Variants in TBXA2R observed in about 807,000 individuals in gnomAD.
The protein encoded by TBXA2R is prostanoid TP receptor.
TBXA2R carries 15 observed loss-of-function variants against 15.6 expected under a neutral mutation model. The ratio of observed to expected loss-of-function variants is 0.96; its 90% CI spans 0.64 to 1.48. TBXA2R has a LOEUF of 1.48. TBXA2R is among the 40% of genes most tolerant of loss of function. The pLI is 0.00. For synonymous variants in TBXA2R, 280 were observed against 241.2 expected (o/e 1.16, Z -1.49); for missense variants, 506 against 491.4 (o/e 1.03, Z -0.28).
chr19:3,603,398 G>GT (rs957126983), intron 1 of TBXA2R, among the ~76,000 whole-genome samples: 3 of 152,262 alleles, frequency 2.0e-5, no homozygotes, highest in African/African-American at 7.2e-5. Flanking sequence ...AGCAGATGCG[G>GT]TGGGGGGTTC....
At chr19:3,602,475 G>A (rs2032756040) in intron 1 of TBXA2R, among the ~76,000 whole-genome samples, 1 of 152,238 alleles carries the variant, frequency 6.6e-6, no homozygotes, top group East Asian at 1.9e-4. Context: ...GGTGGCTCAC[G>A]CCTGTAATCC....
In TBXA2R at chr19:3,604,989, CCT is replaced by C. The variant is rs2032803232; in HGVS notation, c.-84+1539_-84+1540del. Among the ~76,000 whole-genome samples the C allele has an allele frequency of 2.0e-5, 3 of 152,220 alleles. No individual in the cohort carries two copies. The South Asian group carries it at 6.2e-4, about 32-fold the overall frequency. On this transcript the variant is annotated intron_variant, in intron 1 of 2. Coordinates refer to ENST00000375190, the MANE Select transcript of TBXA2R (RefSeq NM_001060.6). Reference sequence around the variant, plus strand: ...TAGCGGAGGCAGACACACTCCACACCCTGATGGGCCCACCTCCCCTCATCGCA... The same window carrying C: ...TAGCGGAGGCAGACACACTCCACACCGATGGGCCCACCTCCCCTCATCGCA...
chr19:3,606,835 G>T lies in TBXA2R; in HGVS notation c.-389C>A, dbSNP rs1417701612. On this transcript the variant is annotated 5_prime_UTR_variant, in exon 1 of 3. Transcript: ENST00000375190. ...CTAAGCCGAGCTGGGACGGGTGGGG[G>T]CCGCTGGCAGCCCGCGGCTCGCTCT... The T allele has an allele frequency of 6.6e-6, 1 of 152,198 alleles. No homozygotes were observed. Among genetic ancestry groups the T allele is most frequent in the Non-Finnish European group, 1.5e-5 (1 of 68,076 alleles). 9.4% of individuals were successfully genotyped at this position (152,198 alleles called of 1,614,324 possible).
chr19:3,604,949 T>C (rs2032802536), intron 1 of TBXA2R, among the ~76,000 whole-genome samples: 1 of 152,074 alleles, frequency 6.6e-6, no homozygotes, highest in Non-Finnish European at 1.5e-5. Context: ...CTCATGGGCG[T>C]GGACCCCCAC....
At position 3,595,147 on chromosome 19, in the gene TBXA2R, G is replaced by A; in HGVS notation, c.*541C>T. 4.7e-6 allele frequency: 3 copies of A among 638,208 alleles called. No individual in the cohort carries two copies. The highest frequency in any genetic ancestry group is 7.8e-6 in the Non-Finnish European group (3 of 384,572). 39.5% of individuals were successfully genotyped at this position (638,208 alleles called of 1,614,324 possible). ...TGATCCCAGCACTTTGGGAGGCTGA[G>A]GCTGGTGAATCACCTGAGGTCAGGA... is the stretch of plus-strand genomic sequence containing the variant. On this transcript the variant is annotated 3_prime_UTR_variant, in exon 3 of 3. Transcript: ENST00000375190.
intron 1 of TBXA2R, among the ~76,000 whole-genome samples, chr19:3,602,828 A>C (rs1008966281): frequency 1.3e-5 from 2 of 151,588 alleles, no homozygotes; most frequent in Non-Finnish European, 2.9e-5. Context: ...CGAGGTCAGG[A>C]GATCGAGACC....
intron 1 of TBXA2R, among the ~76,000 whole-genome samples, chr19:3,602,783 G>C (rs949422323): frequency 4.7e-5 from 7 of 149,232 alleles, no homozygotes; most frequent in Non-Finnish European, 8.9e-5. Flanking sequence ...AAAAGAAAAA[G>C]AAAAGAAAAG....
chr19:3,596,638 C>T (rs1193498191), intron 2 of TBXA2R, among the ~76,000 whole-genome samples: 2 of 116,454 alleles, frequency 1.7e-5, no homozygotes, highest in East Asian at 2.0e-4. Context: ...TAAATAAATA[C>T]CTTTTTTTTT....
rs756896241 is a variant in TBXA2R, at chr19:3,600,287, G to A, written c.348C>T (p.Gly116=). The A allele has an allele frequency of 2.3e-5, 37 of 1,612,622 alleles. No individual in the cohort carries two copies. The highest frequency in any genetic ancestry group is 2.1e-5 in the Non-Finnish European group (25 of 1,179,740). Residue 116 remains glycine (G), a synonymous_variant, in exon 2 of 3, where the codon GGC becomes GGT. Transcript: ENST00000375190. ...RFMGVVMIFF[G]LSPLLLGAAM... The stretch of plus-strand genomic sequence containing the variant: ...CGGCCCCCAGCAGCAGCGGGGACAG[G>A]CCGAAGAAGATCATGACGACGCCCA...
intron 2 of TBXA2R, among the ~76,000 whole-genome samples, chr19:3,596,791 C>G (rs1234828020): frequency 6.6e-6 from 1 of 150,512 alleles, no homozygotes; most frequent in African/African-American, 2.4e-5. Context: ...CTGTGTCAGC[C>G]AGGATGGTCT....
At chr19:3,599,430 T>C (rs10415389) in intron 2 of TBXA2R, among the ~76,000 whole-genome samples, 78,321 of 151,510 alleles carry the variant, frequency 0.52, 20,888 homozygotes, top group Non-Finnish European at 0.55. Flanking sequence ...CCTGGGTTCA[T>C]GCCATTCTCC....
rs370418735 is a variant in TBXA2R, at chr19:3,595,744, G to A, written c.976C>T (p.Arg326Trp). The change falls in exon 3 of 3, where the codon CGG (arginine) becomes TGG (tryptophan). Residue 326 changes from arginine to tryptophan, a missense_variant. Physicochemically the swap from Arg to Trp is moderately radical, Grantham distance 101 (BLOSUM62 -3). Transcript: ENST00000375190. ...GGCTGGAGGGACAGCGACCTGGGCC[G>A]GGTGCTGAGGCGAGGCTGGAGACGC... ...LRRLQPRLST[R>W]PRSLSLQPQL... 5 of 1,604,564 alleles carry A rather than the reference G, an allele frequency of 3.1e-6. No homozygotes were observed. The African/African-American group carries it at 4.0e-5, about 13-fold the overall frequency.
intron 1 of TBXA2R, 85 bp from the exon 2 acceptor site, chr19:3,600,802 G>C: frequency 1.6e-6 from 1 of 626,458 alleles, no homozygotes; most frequent in South Asian, 1.9e-5. Flanking sequence ...AACCTTCAAT[G>C]CCCCAGCTCA....
chr19:3,595,251 C>T lies in TBXA2R; in HGVS notation c.*437G>A, dbSNP rs1206421734. 3.3e-5 allele frequency: 27 copies of T among 828,636 alleles called. 1 individual carries two copies. Among genetic ancestry groups the T allele is most frequent in the African/African-American group, 1.4e-4 (8 of 57,528 alleles). 51.3% of individuals were successfully genotyped at this position (828,636 alleles called of 1,614,324 possible). On this transcript the variant is annotated 3_prime_UTR_variant, in exon 3 of 3. Transcript: ENST00000375190. ...AAAATTAGCCGGGCGTGGTGGCGCG[C>T]GCCTATAGTCCCAGCTACTCAGGAG...
intron 2 of TBXA2R, 73 bp from the exon 3 acceptor site, chr19:3,596,006 C>T (rs2032597684): frequency 6.5e-7 from 1 of 1,532,638 alleles, no homozygotes; most frequent in Non-Finnish European, 8.8e-7. Context: ...CCCGGGGTCC[C>T]TTGAGATCCA....
At position 3,595,615 on chromosome 19, in the gene TBXA2R, G is replaced by A; in HGVS notation, c.*73C>T. 6.7e-6 allele frequency: 10 copies of A among 1,493,142 alleles called. No homozygotes were observed. Among genetic ancestry groups the A allele is most frequent in the Non-Finnish European group, 9.0e-6 (10 of 1,116,330 alleles). 92.5% of individuals were successfully genotyped at this position (1,493,142 alleles called of 1,614,324 possible). A position where few individuals can be genotyped will look rare whatever the true frequency, so the allele number is the denominator to read the frequency against. ...AGCACCCCCAGCCCCTGAATCCTCAGAACAGGCAGATGGGCTGTCCGAGGG... is the reference window on the plus strand; with the variant it reads ...AGCACCCCCAGCCCCTGAATCCTCAAAACAGGCAGATGGGCTGTCCGAGGG... On this transcript the variant is annotated 3_prime_UTR_variant, in exon 3 of 3. Transcript: ENST00000375190.
intron 1 of TBXA2R, among the ~76,000 whole-genome samples, chr19:3,603,068 C>T (rs1008548853): frequency 4.6e-5 from 7 of 150,732 alleles, no homozygotes; most frequent in South Asian, 2.1e-4. Flanking sequence ...TTGCTGATGA[C>T]GGGAGTGAAG....
chr19:3,598,691 C>T (rs903273628), intron 2 of TBXA2R, among the ~76,000 whole-genome samples: 9 of 151,158 alleles, frequency 6.0e-5, no homozygotes, highest in African/African-American at 1.7e-4. Context: ...TTGTTTGAGG[C>T]GGAGTCTCGC....
chr19:3,600,370 G>T lies in TBXA2R; in HGVS notation c.265C>A (p.His89Asn), dbSNP rs1453568024. The T allele has an allele frequency of 1.9e-6, 3 of 1,613,306 alleles. No individual in the cohort carries two copies. The highest frequency in any genetic ancestry group is 2.5e-6 in the Non-Finnish European group (3 of 1,179,814). Residue 89 changes from histidine (H) to asparagine (N), a missense_variant, in exon 2 of 3, where the codon CAC becomes AAC. His to Asn is a moderately conservative substitution (Grantham distance 68). Transcript: ENST00000375190. ...GCGTGCCACTCGAAGAGCGCGGCGTGCTGGGACACCACGATGGTACCGGTC... is the reference window on the plus strand; with the variant it reads ...GCGTGCCACTCGAAGAGCGCGGCGTTCTGGGACACCACGATGGTACCGGTC... ...LVTGTIVVSQ[H>N]AALFEWHAVD...
Sources: gnomAD v4.1 joint callset for allele counts (sites outside exome capture counted in the v4.1 genomes callset) on GRCh38, gnomAD v4.1.1 for gene constraint, MANE v1.5 for transcripts, NCBI Gene and HGNC (gene_info 2026-07-23, HGNC 2026-07-21) for gene names.